The following INTS4 variants were observed in gnomAD, a reference collection of about 807,000 sequenced individuals.
INTS4 encodes integrator complex subunit 4, also known as MSTP093.
A neutral mutation model predicts 119.5 loss-of-function variants in INTS4; 70 were observed. The ratio of observed to expected loss-of-function variants is 0.59; its 90% confidence interval spans 0.48 to 0.71. The LOEUF (loss-of-function observed/expected upper bound fraction) is 0.71, where lower values mean the gene tolerates loss of function less well. Among genes scored for constraint, INTS4 ranks in the 30% least tolerant of loss-of-function variants. The pLI, the probability that INTS4 is intolerant of heterozygous loss-of-function variation, is 0.00. For missense variants in INTS4, 867 were observed against 1,173.2 expected, an observed-to-expected ratio of 0.74 and a Z score of 3.81; for synonymous variants, 316 against 419.6, an observed-to-expected ratio of 0.75 and a Z score of 3.02.
chr11:77,920,154 TATATACACATATATATACATATAC>T (rs1161699964), intron 14 of INTS4, among the ~76,000 whole-genome samples: 5 of 123,354 alleles, frequency 4.1e-5, no homozygotes, highest in Non-Finnish European at 5.4e-5. Flanking sequence ...ACCATATATA[TATATACACATATATATACATATAC>T]ATATACACAT....
downstream of INTS4, among the ~76,000 whole-genome samples, chr11:77,875,233 G>A (rs928366485): frequency 6.6e-5 from 10 of 152,118 alleles, no homozygotes; most frequent in African/African-American, 1.7e-4. Flanking sequence ...TCCTTGCCCG[G>A]TTATGTGCCA....
chr11:77,969,358 T>G (rs1171673777), intron 4 of INTS4, among the ~76,000 whole-genome samples: 1 of 151,940 alleles, frequency 6.6e-6, no homozygotes, highest in Non-Finnish European at 1.5e-5. Flanking sequence ...TATAGGCGTA[T>G]GTATGTATAT....
intron 4 of INTS4, among the ~76,000 whole-genome samples, chr11:77,972,313 G>T (rs1855764229): frequency 6.6e-6 from 1 of 152,028 alleles, no homozygotes; most frequent in South Asian, 2.1e-4. Flanking sequence ...TGCCCAGGCT[G>T]GTCTCAAACT....
At chr11:77,958,620 C>T (rs1954388410) in intron 7 of INTS4, 126 bp downstream of exon 7, 1 of 638,388 alleles carries the variant, frequency 1.6e-6, no homozygotes, top group Non-Finnish European at 2.9e-6. Flanking sequence ...TGTGCTTTTC[C>T]CTTATTCCCC....
In INTS4 at chr11:77,918,933, T is replaced by C; in HGVS notation, c.1810A>G (p.Ile604Val). The change falls in exon 15 of 23, where the codon ATA (isoleucine) becomes GTA (valine). Residue 604 changes from isoleucine (I) to valine (V), a missense_variant. Transcript: ENST00000534064. ...LVSSAVSPSIIPQEDPSQQFL... is the reference protein window; with the variant it reads ...LVSSAVSPSIVPQEDPSQQFL... ...TGCTGGGAAGGATCCTCTTGAGGTATGATGCTGGGAGAAACAGCTGATGAC... is the reference window on the plus strand; with the variant it reads ...TGCTGGGAAGGATCCTCTTGAGGTACGATGCTGGGAGAAACAGCTGATGAC... The C allele has an allele frequency of 1.2e-6, 2 of 1,613,944 alleles. No individual in the cohort carries two copies. Among genetic ancestry groups the C allele is most frequent in the South Asian group, 1.1e-5 (1 of 91,076 alleles).
At chr11:77,875,896 T>C (rs987760149), downstream of INTS4, among the ~76,000 whole-genome samples, 2 of 151,692 alleles carry the variant, frequency 1.3e-5, no homozygotes, top group East Asian at 1.9e-4. Flanking sequence ...TCAAGTGGAG[T>C]ACAGAGACAG....
In INTS4 at chr11:77,918,711, T is replaced by A. The variant is rs560304342; in HGVS notation, c.1922+110A>T. On this transcript the variant is annotated intron_variant, in intron 15 of 22. Transcript: ENST00000534064. Reference sequence around the variant, plus strand: ...CAGACCATAAAACCGTGTGTGAATGTAGACCAATAAAGTCAGAATATCAAG... The same window carrying A: ...CAGACCATAAAACCGTGTGTGAATGAAGACCAATAAAGTCAGAATATCAAG... 2.6e-4 allele frequency: 384 copies of A among 1,465,900 alleles called. 1 individual carries two copies. Among genetic ancestry groups the A allele is most frequent in the Admixed American group, 6.6e-4 (29 of 44,108 alleles). The allele number at this position is 1,465,900 out of a possible 1,614,324, so 90.8% of individuals were successfully genotyped here.
Position 77,994,593 on chromosome 11 carries a change from A to T in INTS4, c.51T>A (p.Val17=). ...GATCTTTCCCGCCAGAGCTTACCTG[A>T]ACCACTTTCGTGAATTCCTCATAAA... The part of the protein sequence containing the change: ...KRVYEEFTKV[V]QPQEEIATKK... Residue 17 remains valine (V), a synonymous_variant, in exon 1 of 23, where the codon GTT becomes GTA. Coordinates refer to ENST00000534064, the MANE Select transcript of INTS4 (RefSeq NM_033547.4). 6.2e-7 allele frequency: 1 copy of T among 1,612,420 alleles called. No homozygotes were observed. The highest frequency in any genetic ancestry group is 1.1e-5 in the South Asian group (1 of 91,056).
chr11:77,963,500 T>C (rs895177808), intron 4 of INTS4: 3 of 405,056 alleles, frequency 7.4e-6, no homozygotes, highest in African/African-American at 6.4e-5. Flanking sequence ...CCATAATTTT[T>C]ATATTAATGG....
intron 10 of INTS4, among the ~76,000 whole-genome samples, chr11:77,937,720 G>C (rs929939558): frequency 2.8e-4 from 43 of 151,922 alleles, no homozygotes; most frequent in Non-Finnish European, 1.6e-4. Context: ...CTCTAGCCTG[G>C]GTGTCAGAGT....
chr11:77,920,206 CACACAT>C (rs1953311615), intron 14 of INTS4, among the ~76,000 whole-genome samples: 1 of 88,958 alleles, frequency 1.1e-5, no homozygotes, highest in East Asian at 2.8e-4. Flanking sequence ...CATATATATA[CACACAT>C]ATATATACAC....
intron 8 of INTS4, among the ~76,000 whole-genome samples, chr11:77,954,755 A>C (rs1358768464): frequency 6.6e-6 from 1 of 152,202 alleles, no homozygotes; most frequent in East Asian, 1.9e-4. Context: ...GACAGCAGGC[A>C]GAGCTCAGGC....
Position 77,952,090 on chromosome 11 carries a change from G to A in INTS4, c.918+3852C>T, listed in dbSNP as rs546399147. 6.6e-5 allele frequency among the ~76,000 whole-genome samples: 10 copies of A among 152,304 alleles called. No homozygotes were observed. In the South Asian group the frequency reaches 2.1e-3, roughly 32 times the overall value. On this transcript the variant is annotated intron_variant, in intron 8 of 22. Transcript: ENST00000534064. Reference sequence around the variant, plus strand: ...GGGACTGTAAACTAGTTCAACCAATGTGTCAATTTTTTAAAATTAATTAAT... The same window carrying A: ...GGGACTGTAAACTAGTTCAACCAATATGTCAATTTTTTAAAATTAATTAAT...
chr11:77,938,064 C>T (rs1280376097), intron 10 of INTS4, among the ~76,000 whole-genome samples: 2 of 151,844 alleles, frequency 1.3e-5, no homozygotes, highest in Non-Finnish European at 2.9e-5. Context: ...CCAGGCTGGT[C>T]TTGAACTCCT....
At chr11:77,933,688 A>C (rs1391389462) in intron 10 of INTS4, among the ~76,000 whole-genome samples, 1 of 151,050 alleles carries the variant, frequency 6.6e-6, no homozygotes, top group African/African-American at 2.4e-5. Context: ...GCCGCCCATC[A>C]TCTGGGATGT....
intron 16 of INTS4, among the ~76,000 whole-genome samples, chr11:77,905,071 G>C (rs982643258): frequency 6.6e-6 from 1 of 152,154 alleles, no homozygotes; most frequent in Admixed American, 6.5e-5. Context: ...AGAGATTAGT[G>C]TATAAATCTG....
chr11:77,988,108 C>T (rs4945228), intron 2 of INTS4, among the ~76,000 whole-genome samples: 53,491 of 152,070 alleles, frequency 0.35, 9,722 homozygotes, highest in African/African-American at 0.4. Context: ...ATTTTATTCA[C>T]GTAAAACATA....
chr11:77,918,916 A>G lies in INTS4; in HGVS notation c.1827T>C (p.Pro609=), dbSNP rs762271394. 24 of 1,613,900 alleles carry G rather than the reference A, an allele frequency of 1.5e-5. 2 individuals carry two copies. In the South Asian group the frequency reaches 2.6e-4, roughly 18 times the overall value. Reference sequence around the variant, plus strand: ...GGCTCTGCTGCAGGAACTGCTGGGAAGGATCCTCTTGAGGTATGATGCTGG... The same window carrying G: ...GGCTCTGCTGCAGGAACTGCTGGGAGGGATCCTCTTGAGGTATGATGCTGG... ...VSPSIIPQED[P]SQQFLQQSLE... Residue 609 remains proline (P), a synonymous_variant, in exon 15 of 23, where the codon CCT becomes CCC. Coordinates refer to ENST00000534064, the MANE Select transcript of INTS4 (RefSeq NM_033547.4).
At chr11:77,956,548 A>T (rs1357886541) in intron 7 of INTS4, among the ~76,000 whole-genome samples, 2 of 151,972 alleles carry the variant, frequency 1.3e-5, no homozygotes, top group Non-Finnish European at 2.9e-5. Context: ...CTCTACTAAA[A>T]ATATAAAAAT....
Sources: gnomAD v4.1 joint callset for allele counts (sites outside exome capture counted in the v4.1 genomes callset) on GRCh38, gnomAD v4.1.1 for gene constraint, MANE v1.5 for transcripts, NCBI Gene and HGNC (gene_info 2026-07-23, HGNC 2026-07-21) for gene names.